The following FEZ2 variants were observed in gnomAD, a reference collection of about 807,000 sequenced individuals.
The protein encoded by FEZ2 is fasciculation and elongation protein zeta 2, also known as fasciculation and elongation protein zeta-2.
FEZ2 carries 51 observed loss-of-function variants against 40.4 expected under a neutral mutation model. The observed-to-expected ratio is 1.26, with a 90% CI of 1.01 to 1.59. FEZ2 has a LOEUF of 1.59. Among genes scored for constraint, FEZ2 ranks in the 40% most tolerant of loss-of-function variants. The pLI is 0.00. For missense variants in FEZ2, 640 were observed against 438.3 expected (o/e 1.46, Z -4.11); for synonymous variants, 242 against 172.0 (o/e 1.41, Z -3.18).
intron 1 of FEZ2, among the ~76,000 whole-genome samples, chr2:36,592,256 G>A (rs1487750510): frequency 1.3e-5 from 2 of 152,042 alleles, no homozygotes; most frequent in African/African-American, 4.8e-5. Flanking sequence ...ATCCTGGCTG[G>A]GGCATAAACA....
chr2:36,582,133 C>T (rs1668767343), intron 3 of FEZ2, among the ~76,000 whole-genome samples: 1 of 151,792 alleles, frequency 6.6e-6, no homozygotes, highest in South Asian at 2.1e-4. Flanking sequence ...TGCCCTTTTC[C>T]AGATTCTAAA....
intron 1 of FEZ2, among the ~76,000 whole-genome samples, chr2:36,596,027 C>A (rs1347273834): frequency 6.6e-6 from 1 of 152,166 alleles, no homozygotes; most frequent in Non-Finnish European, 1.5e-5. Context: ...CAGAATGTGT[C>A]CTGGGTTTAG....
intron 1 of FEZ2, among the ~76,000 whole-genome samples, chr2:36,596,080 C>T (rs59244078): frequency 1.3e-5 from 2 of 152,148 alleles, no homozygotes; most frequent in African/African-American, 2.4e-5. Context: ...AAATTATCTT[C>T]TCTTTGGGAA....
intron 5 of FEZ2, 116 bp from the exon 6 acceptor site, chr2:36,558,629 A>C: frequency 1.9e-6 from 1 of 521,250 alleles, no homozygotes; most frequent in Non-Finnish European, 3.3e-6. Context: ...CTACTTTGGT[A>C]ATGAAAACAC....
intron 6 of FEZ2, chr2:36,557,257 C>G (rs1667982001): frequency 6.6e-6 from 1 of 152,160 alleles, no homozygotes; most frequent in African/African-American, 2.4e-5. Context: ...ATCTTGGACA[C>G]ATATAACTTA....
chr2:36,579,713 A>AT (rs1480355704), intron 4 of FEZ2, among the ~76,000 whole-genome samples: 1 of 152,146 alleles, frequency 6.6e-6, no homozygotes, highest in Non-Finnish European at 1.5e-5. Flanking sequence ...TTTCGTATAA[A>AT]TTACCCAGTT....
intron 5 of FEZ2, among the ~76,000 whole-genome samples, chr2:36,577,646 T>C (rs2110986): frequency 0.39 from 59,012 of 152,198 alleles, 11,684 homozygotes; most frequent in East Asian, 0.63. Context: ...ATGAGCTATA[T>C]GGTAAGACTC....
intron 1 of FEZ2, chr2:36,594,520 T>G: frequency 5.3e-6 from 1 of 187,304 alleles, no homozygotes; most frequent in Non-Finnish European, 1.1e-5. Context: ...CGGAAACCCC[T>G]GATAAGCCCA....
chr2:36,571,098 C>T (rs927928834), intron 5 of FEZ2, among the ~76,000 whole-genome samples: 1 of 152,032 alleles, frequency 6.6e-6, no homozygotes, highest in Non-Finnish European at 1.5e-5. Context: ...AAAAACATAT[C>T]GAAAACTGAT....
chr2:36,554,370 C>G (rs1667900191), intron 7 of FEZ2: 2 of 466,956 alleles, frequency 4.3e-6, no homozygotes. Context: ...CTAGAGAATG[C>G]TTCAGAAGCT....
intron 4 of FEZ2, among the ~76,000 whole-genome samples, chr2:36,580,631 G>C (rs1239701656): frequency 6.6e-6 from 1 of 152,148 alleles, no homozygotes; most frequent in Non-Finnish European, 1.5e-5. Context: ...AAGACTATTT[G>C]TACAAACAGG....
chr2:36,553,531 A>C (rs544590570), intron 7 of FEZ2, among the ~76,000 whole-genome samples: 2 of 152,174 alleles, frequency 1.3e-5, no homozygotes. Flanking sequence ...ACACATTTTT[A>C]TTCCTAACTA....
chr2:36,595,099 T>G (rs1429251565), intron 1 of FEZ2, among the ~76,000 whole-genome samples: 2 of 152,200 alleles, frequency 1.3e-5, no homozygotes, highest in Non-Finnish European at 2.9e-5. Context: ...CAGAATACTC[T>G]TATAAGTAAA....
At chr2:36,584,079 TG>T (rs1299881467) in intron 2 of FEZ2, 1 of 152,358 alleles carries the variant, frequency 6.6e-6, no homozygotes, top group African/African-American at 2.4e-5. Context: ...ACGACCTTTA[TG>T]GAAGACATCA....
chr2:36,582,258 G>A (rs992774687), intron 3 of FEZ2, among the ~76,000 whole-genome samples: 2 of 151,860 alleles, frequency 1.3e-5, no homozygotes, highest in Non-Finnish European at 2.9e-5. Context: ...ATTAAATGAA[G>A]GAGTAAGACA....
chr2:36,587,542 A>G (rs1295780595), intron 2 of FEZ2, among the ~76,000 whole-genome samples: 1 of 152,220 alleles, frequency 6.6e-6, no homozygotes, highest in African/African-American at 2.4e-5. Context: ...GACATATCAA[A>G]TTTAGAAGTG....
chr2:36,559,074 T>G (rs1416481968), intron 5 of FEZ2: 6 of 152,200 alleles, frequency 3.9e-5, no homozygotes, highest in African/African-American at 1.4e-4. Context: ...AGAAATGCGT[T>G]ACTATTATTT....
chr2:36,595,827 A>G (rs971037520), intron 1 of FEZ2, among the ~76,000 whole-genome samples: 2 of 152,214 alleles, frequency 1.3e-5, no homozygotes, highest in African/African-American at 4.8e-5. Context: ...TACCACCAAC[A>G]TATCATCTAC....
At chr2:36,596,197 G>A (rs1015172240) in intron 1 of FEZ2, among the ~76,000 whole-genome samples, 5 of 152,162 alleles carry the variant, frequency 3.3e-5, no homozygotes, top group Admixed American at 3.3e-4. Context: ...ACTGTACTGA[G>A]GAACCAATAA....
Sources: allele counts gnomAD v4.1 joint callset (sites outside exome capture counted in the v4.1 genomes callset), GRCh38; gene constraint gnomAD v4.1.1; transcripts MANE v1.5; gene names NCBI Gene and HGNC (gene_info 2026-07-23, HGNC 2026-07-21).